RNF150: variants seen among roughly 807,000 people sequenced by gnomAD.
The protein encoded by RNF150 is ring finger protein 150.
In RNF150, 24 loss-of-function variants were observed where a neutral mutation model predicts 39.3. The observed-to-expected ratio is 0.61, with a 90% CI of 0.44 to 0.86. The LOEUF (loss-of-function observed/expected upper bound fraction) is 0.86, where lower values mean the gene tolerates loss of function less well. RNF150 is among the 40% of genes least tolerant of loss of function. RNF150 has a pLI of 0.00. For synonymous variants in RNF150, 255 were observed against 227.3 expected (o/e 1.12, Z -1.10); for missense variants, 502 against 587.8 (o/e 0.85, Z 1.51).
At chr4:141,036,339 T>A (rs1736146478) in intron 1 of RNF150, among the ~76,000 whole-genome samples, 1 of 152,122 alleles carries the variant, frequency 6.6e-6, no homozygotes. Context: ...AGATCACAAT[T>A]CCCCTCCAAT....
rs1728770935 is a variant in RNF150, at chr4:140,867,805, T to G, written c.*456A>C. On this transcript the variant is annotated 3_prime_UTR_variant, in exon 7 of 7. Transcript: ENST00000515673. ...GAACTGGTGCTTCTAAACAGAAACC[T>G]ATACAAAAGCTGGAGTGCATCAAAG... is the stretch of plus-strand genomic sequence containing the variant. 6.5e-6 allele frequency: 1 copy of G among 154,736 alleles called. No homozygotes were observed. Among genetic ancestry groups the G allele is most frequent in the African/African-American group, 2.4e-5 (1 of 41,388 alleles). 9.6% of individuals were successfully genotyped at this position (154,736 alleles called of 1,614,324 possible).
chr4:141,078,706 C>T (rs535987445), intron 1 of RNF150, among the ~76,000 whole-genome samples: 3 of 147,182 alleles, frequency 2.0e-5, no homozygotes, highest in South Asian at 2.2e-4. Flanking sequence ...AGGAGAACGG[C>T]GTGAACCCAG....
At chr4:141,156,915 T>G (rs868284688) in intron 1 of RNF150, among the ~76,000 whole-genome samples, 2 of 151,790 alleles carry the variant, frequency 1.3e-5, no homozygotes, top group Non-Finnish European at 2.9e-5. Context: ...AAAAAAAAAT[T>G]GATCATATGC....
chr4:140,927,239 A>C (rs1015917188), intron 4 of RNF150, among the ~76,000 whole-genome samples: 1 of 152,190 alleles, frequency 6.6e-6, no homozygotes, highest in Admixed American at 6.5e-5. Context: ...AGAAAAAAGG[A>C]CTGTAGCAAC....
intron 1 of RNF150, among the ~76,000 whole-genome samples, chr4:141,198,855 A>G (rs1728246270): frequency 6.6e-6 from 1 of 152,238 alleles, no homozygotes; most frequent in Admixed American, 6.5e-5. Context: ...CAACACCAAA[A>G]GCATAATTCA....
At chr4:141,187,450 G>T (rs571103187) in intron 1 of RNF150, among the ~76,000 whole-genome samples, 1 of 152,156 alleles carries the variant, frequency 6.6e-6, no homozygotes, top group Admixed American at 6.5e-5. Flanking sequence ...TGACAGTGGG[G>T]AGTTAAAGTC....
At chr4:141,021,775 G>A (rs977659964) in intron 1 of RNF150, among the ~76,000 whole-genome samples, 5 of 152,166 alleles carry the variant, frequency 3.3e-5, no homozygotes, top group Non-Finnish European at 7.4e-5. Flanking sequence ...ATTGTTACAG[G>A]TAGAAGCCCA....
chr4:141,061,261 C>G (rs1183017162), intron 1 of RNF150, among the ~76,000 whole-genome samples: 1 of 152,086 alleles, frequency 6.6e-6, no homozygotes, highest in African/African-American at 2.4e-5. Context: ...AGATACTAGC[C>G]TAAATTTTCA....
At chr4:141,124,158 G>C (rs150112289) in intron 1 of RNF150, among the ~76,000 whole-genome samples, 3 of 152,206 alleles carry the variant, frequency 2.0e-5, no homozygotes, top group Non-Finnish European at 4.4e-5. Flanking sequence ...CTTATGCAGA[G>C]TACTTTCTAT....
At position 140,916,170 on chromosome 4, in the gene RNF150, C is replaced by T. The variant is rs147552682; in HGVS notation, c.988-4816G>A. Among the ~76,000 whole-genome samples the T allele has an allele frequency of 8.3e-3, 1,268 of 152,240 alleles. 22 individuals are homozygous for T. The highest frequency in any genetic ancestry group is 0.029 in the African/African-American group (1,196 of 41,538). ...CCTCCAAAAGAATGCAGCTCCTCAC[C>T]AGCAATGGAACAAAGCTGGACGGAG... On this transcript the variant is annotated intron_variant, in intron 5 of 6. Coordinates refer to ENST00000515673, the MANE Select transcript of RNF150 (RefSeq NM_020724.2).
chr4:141,160,974 G>A (rs943529424), intron 1 of RNF150, among the ~76,000 whole-genome samples: 1 of 152,182 alleles, frequency 6.6e-6, no homozygotes, highest in Non-Finnish European at 1.5e-5. Context: ...GAGGAGTAAG[G>A]CATTGCTATA....
intron 1 of RNF150, among the ~76,000 whole-genome samples, chr4:141,032,906 C>A (rs1736006624): frequency 6.6e-6 from 1 of 152,190 alleles, no homozygotes; most frequent in Non-Finnish European, 1.5e-5. Context: ...AAAATGCTTA[C>A]AATCATCTGA....
chr4:141,017,934 G>A (rs1182039494), intron 1 of RNF150, among the ~76,000 whole-genome samples: 1 of 152,008 alleles, frequency 6.6e-6, no homozygotes, highest in African/African-American at 2.4e-5. Flanking sequence ...CCAAGTTTTG[G>A]CAATTATGAA....
chr4:141,038,536 A>T (rs1736234014), intron 1 of RNF150, among the ~76,000 whole-genome samples: 1 of 152,016 alleles, frequency 6.6e-6, no homozygotes, highest in Non-Finnish European at 1.5e-5. Context: ...ACAAAATTTT[A>T]AAAAATTAAC....
intron 5 of RNF150, among the ~76,000 whole-genome samples, chr4:140,917,078 C>G (rs1219879833): frequency 6.6e-6 from 1 of 152,214 alleles, no homozygotes; most frequent in African/African-American, 2.4e-5. Context: ...GTACTAGCCA[C>G]TGCAAAAACA....
intron 1 of RNF150, among the ~76,000 whole-genome samples, chr4:141,195,172 C>T (rs1389661415): frequency 1.3e-5 from 2 of 151,874 alleles, no homozygotes; most frequent in Non-Finnish European, 2.9e-5. Flanking sequence ...AAGAGAAGTT[C>T]CTCACAGGCT....
chr4:141,054,999 A>G (rs960032652), intron 1 of RNF150, among the ~76,000 whole-genome samples: 6 of 152,158 alleles, frequency 3.9e-5, no homozygotes, highest in Non-Finnish European at 5.9e-5. Flanking sequence ...AGAAATGTCA[A>G]TGTTATTATT....
At chr4:141,148,064 A>T (rs1727231471) in intron 1 of RNF150, among the ~76,000 whole-genome samples, 1 of 152,200 alleles carries the variant, frequency 6.6e-6, no homozygotes, top group Non-Finnish European at 1.5e-5. Flanking sequence ...TGGCTTATTA[A>T]AATTATTAAC....
intron 2 of RNF150, 103 bp downstream of exon 2, chr4:140,967,520 G>T: frequency 1.2e-6 from 1 of 810,554 alleles, no homozygotes; most frequent in Non-Finnish European, 1.9e-6. Flanking sequence ...TATCTTGAGT[G>T]GGGATATTTT....
Sources: gnomAD v4.1 joint callset for allele counts (sites outside exome capture counted in the v4.1 genomes callset) on GRCh38, gnomAD v4.1.1 for gene constraint, MANE v1.5 for transcripts, NCBI Gene and HGNC (gene_info 2026-07-23, HGNC 2026-07-21) for gene names.